CNOT1: variants seen among roughly 807,000 people sequenced by gnomAD.
CNOT1 encodes CCR4-associated factor 1.
In CNOT1, 15 loss-of-function variants were observed where a neutral mutation model predicts 273.8. The ratio of observed to expected loss-of-function variants is 0.05; its 90% CI spans 0.04 to 0.08. CNOT1 has a LOEUF of 0.08. CNOT1 is among the 10% of genes least tolerant of loss of function. CNOT1 has a pLI of 1.00. For missense variants in CNOT1, 1,644 were observed against 2,912.2 expected, an observed-to-expected ratio of 0.56 and a Z score of 10.02; for synonymous variants, 1,022 against 1,005.5, an observed-to-expected ratio of 1.02 and a Z score of -0.31.
At chr16:58,530,381 T>C (rs769684170) in intron 42 of CNOT1, 34 bp from the exon 43 acceptor site, 5 of 1,529,128 alleles carry the variant, frequency 3.3e-6, no homozygotes, top group African/African-American at 2.7e-5. Context: ...GTCATAATTA[T>C]ACTCAGCTGT....
At chr16:58,577,026 G>A (rs974789028) in intron 13 of CNOT1, among the ~76,000 whole-genome samples, 2 of 151,960 alleles carry the variant, frequency 1.3e-5, no homozygotes, top group African/African-American at 4.8e-5. Flanking sequence ...TGGGAGTGGC[G>A]CCTGTACACA....
At chr16:58,559,467 A>G (rs747161571) in intron 17 of CNOT1, among the ~76,000 whole-genome samples, 2 of 151,958 alleles carry the variant, frequency 1.3e-5, no homozygotes, top group Non-Finnish European at 2.9e-5. Context: ...CTCCCAAAAT[A>G]AATTTAGTCG....
intron 1 of CNOT1, among the ~76,000 whole-genome samples, chr16:58,610,603 G>C (rs577498189): frequency 6.6e-6 from 1 of 152,140 alleles, no homozygotes; most frequent in Non-Finnish European, 1.5e-5. Flanking sequence ...CAGCACTTTG[G>C]GAGGCCAAGG....
At chr16:58,570,827 C>CA (rs1280464062) in intron 16 of CNOT1, among the ~76,000 whole-genome samples, 2 of 151,614 alleles carry the variant, frequency 1.3e-5, no homozygotes, top group Non-Finnish European at 2.9e-5. Flanking sequence ...AGAAACAAAA[C>CA]AAAAAATAAA....
intron 16 of CNOT1, among the ~76,000 whole-genome samples, chr16:58,564,455 AT>A (rs1197661340): frequency 2.0e-5 from 3 of 152,184 alleles, no homozygotes; most frequent in Non-Finnish European, 4.4e-5. Context: ...AATGCCTTCA[AT>A]TGTGTAAGCC....
intron 2 of CNOT1, among the ~76,000 whole-genome samples, chr16:58,592,683 A>G (rs1192795742): frequency 6.6e-6 from 1 of 152,218 alleles, no homozygotes; most frequent in African/African-American, 2.4e-5. Context: ...AAATTCAGAA[A>G]TTAAAATGTT....
intron 16 of CNOT1, among the ~76,000 whole-genome samples, chr16:58,561,542 A>C (rs541741942): frequency 1.3e-5 from 2 of 152,310 alleles, no homozygotes; most frequent in African/African-American, 4.8e-5. Context: ...CCTCTAAAAC[A>C]AATGTCAAGT....
chr16:58,572,225 G>C (rs567383792), intron 16 of CNOT1, among the ~76,000 whole-genome samples: 28 of 151,882 alleles, frequency 1.8e-4, no homozygotes, highest in African/African-American at 6.5e-4. Flanking sequence ...GGAGGGTTGC[G>C]GTGAGCCGAG....
At chr16:58,609,905 G>A (rs1597591990) in intron 1 of CNOT1, among the ~76,000 whole-genome samples, 2 of 150,950 alleles carry the variant, frequency 1.3e-5, no homozygotes, top group South Asian at 2.1e-4. Context: ...ACATTAACAT[G>A]TTACTAACAT....
chr16:58,582,813 T>C lies in CNOT1; in HGVS notation c.1024A>G (p.Ile342Val). The change falls in exon 10 of 49, where the codon ATT (isoleucine) becomes GTT (valine). Residue 342 changes from isoleucine to valine, a missense_variant. Physicochemically the swap from Ile to Val is conservative, Grantham distance 29. Transcript: ENST00000317147. ...CTCACCAGTTCTTTAAGAACGTCAATCAAGACTTCTACATTCCATGTGTGT... is the reference window on the plus strand; with the variant it reads ...CTCACCAGTTCTTTAAGAACGTCAACCAAGACTTCTACATTCCATGTGTGT... ...QAHTWNVEVL[I>V]DVLKELNPSL... is the part of the protein sequence containing the mutation. 1 of 1,504,764 alleles carries C rather than the reference T, an allele frequency of 6.6e-7. No homozygotes were observed. The highest frequency in any genetic ancestry group is 9.3e-7 in the Non-Finnish European group (1 of 1,080,110). The allele number at this position is 1,504,764 out of a possible 1,614,324, so 93.2% of individuals were successfully genotyped here.
chr16:58,583,939 C>A (rs1370606642), intron 8 of CNOT1, among the ~76,000 whole-genome samples: 2 of 151,596 alleles, frequency 1.3e-5, no homozygotes, highest in Admixed American at 1.3e-4. Flanking sequence ...GAGTCTGAGG[C>A]GGGTGGATCA....
intron 35 of CNOT1, 57 bp downstream of exon 35, chr16:58,539,711 G>C: frequency 6.7e-7 from 1 of 1,484,890 alleles, no homozygotes; most frequent in Non-Finnish European, 9.1e-7. Flanking sequence ...TGGTGGTGCA[G>C]GTCAATAAAT....
At chr16:58,554,792 T>C (rs1168611441) in intron 21 of CNOT1, among the ~76,000 whole-genome samples, 1 of 151,734 alleles carries the variant, frequency 6.6e-6, no homozygotes, top group Admixed American at 6.6e-5. Context: ...AAAAATTAGC[T>C]GGGTGCAGTG....
chr16:58,538,835 A>G lies in CNOT1; in HGVS notation c.5072T>C (p.Val1691Ala). The G allele has an allele frequency of 6.2e-7, 1 of 1,611,820 alleles. No homozygotes were observed. Among genetic ancestry groups the G allele is most frequent in the Non-Finnish European group, 8.5e-7 (1 of 1,179,668 alleles). Residue 1691 changes from valine (V) to alanine (A), a missense_variant, in exon 36 of 49, where the codon GTC becomes GCC. Physicochemically the swap from Val to Ala is moderately conservative, Grantham distance 64. This residue lies in a region of CNOT1 where 170 missense variants were observed against 273.1 expected (regional missense o/e 0.62). Coordinates refer to ENST00000317147, the MANE Select transcript of CNOT1 (RefSeq NM_016284.5). ...LLRYRECHLL[V>A]LKALQDGRAY... Reference sequence around the variant, plus strand: ...CCGGCCATCCTGCAGAGCTTTTAGGACCAAGAGGTGGCATTCCCTGTAGCG... The same window carrying G: ...CCGGCCATCCTGCAGAGCTTTTAGGGCCAAGAGGTGGCATTCCCTGTAGCG...
rs759721337 is a variant in CNOT1, at chr16:58,578,776, T to G, written c.1507A>C (p.Ile503Leu). The G allele has an allele frequency of 2.5e-6, 4 of 1,614,104 alleles. No individual in the cohort carries two copies. Among genetic ancestry groups the G allele is most frequent in the Non-Finnish European group, 3.4e-6 (4 of 1,180,018 alleles). The change falls in exon 13 of 49, where the codon ATC becomes CTC. Residue 503 changes from isoleucine to leucine, a missense_variant. Around this residue, in one of 13 missense-constraint regions of CNOT1, gnomAD observed 706 missense variants for 1,021.2 expected, o/e 0.69. Coordinates refer to ENST00000317147, the MANE Select transcript of CNOT1 (RefSeq NM_016284.5). ...TSWHTLRHEL[I>L]STLMPIFLGN... ...AGGAAAATTGGCATCAGAGTGGAGA[T>G]AAGTTCATGGCGCAAGGTATGCCAA...
At chr16:58,551,904 C>T (rs1199646048) in intron 22 of CNOT1, 85 bp from the exon 23 acceptor site, 6 of 1,543,298 alleles carry the variant, frequency 3.9e-6, no homozygotes, top group Non-Finnish European at 5.3e-6. Context: ...GGGTAAAAAA[C>T]ATGTCTGAGT....
chr16:58,535,661 T>C (rs113798769), intron 39 of CNOT1, among the ~76,000 whole-genome samples: 1 of 152,190 alleles, frequency 6.6e-6, no homozygotes. Context: ...CCCTGGATTC[T>C]TTTAGGGGAG....
intron 16 of CNOT1, among the ~76,000 whole-genome samples, chr16:58,562,993 T>C (rs900911406): frequency 6.6e-6 from 1 of 152,208 alleles, no homozygotes; most frequent in Non-Finnish European, 1.5e-5. Flanking sequence ...CAGTACTGAA[T>C]AAGCCTATAT....
intron 21 of CNOT1, 99 bp from the exon 22 acceptor site, chr16:58,553,959 T>C: frequency 7.2e-7 from 1 of 1,394,948 alleles, no homozygotes; most frequent in Admixed American, 2.8e-5. Flanking sequence ...TTTTTTTCCA[T>C]CTTACCTATG....
Sources: gnomAD v4.1 joint callset for allele counts (sites outside exome capture counted in the v4.1 genomes callset) on GRCh38, gnomAD v4.1.1 for gene constraint, gnomAD v4.1.1 regional missense constraint, MANE v1.5 for transcripts, NCBI Gene and HGNC (gene_info 2026-07-23, HGNC 2026-07-21) for gene names.